WDPCP: variants seen among roughly 807,000 people sequenced by gnomAD.
The protein encoded by WDPCP is WD repeat-containing and planar cell polarity effector protein fritz homolog.
Under a neutral mutation model 93.1 loss-of-function variants are expected in WDPCP, and 71 were observed. That is an observed-to-expected ratio of 0.76 (90% CI 0.63 to 0.93). WDPCP has a LOEUF of 0.93. Ranked by LOEUF, WDPCP falls within the 40% of genes least tolerant of loss-of-function variation. The pLI, the probability that WDPCP is intolerant of heterozygous loss-of-function variation, is 0.00. For synonymous variants in WDPCP, 315 were observed against 315.0 expected (o/e 1.00, Z 0.00); for missense variants, 844 against 887.4 (o/e 0.95, Z 0.62).
chr2:63,278,399 A>T (rs1363243953), intron 13 of WDPCP, among the ~76,000 whole-genome samples: 1 of 152,204 alleles, frequency 6.6e-6, no homozygotes, highest in Non-Finnish European at 1.5e-5. Context: ...AGAAGAAAAG[A>T]AGTACCGAAG....
At chr2:63,831,155 TC>T (rs1671187254), upstream of WDPCP, among the ~76,000 whole-genome samples, 1 of 152,194 alleles carries the variant, frequency 6.6e-6, no homozygotes, top group Non-Finnish European at 1.5e-5. Flanking sequence ...TCCTGTTATT[TC>T]CACTTTCAAA....
rs1692015361 is a variant in WDPCP, at chr2:63,378,254, A to T, written c.1748+132T>A. ...TAACAAATTAAATAAGACCAAAAGAAGATGTATATTTCTTTGAGGAGATGG... is the reference window on the plus strand; with the variant it reads ...TAACAAATTAAATAAGACCAAAAGATGATGTATATTTCTTTGAGGAGATGG... On this transcript the variant is annotated intron_variant, in intron 12 of 17. Coordinates refer to ENST00000272321, the MANE Select transcript of WDPCP (RefSeq NM_015910.7). 8.6e-6 allele frequency: 10 copies of T among 1,167,478 alleles called. No individual in the cohort carries two copies. In the South Asian group the frequency reaches 1.2e-4, roughly 14 times the overall value. 72.3% of individuals were successfully genotyped at this position (1,167,478 alleles called of 1,614,324 possible). A position where few individuals can be genotyped will look rare whatever the true frequency, so the allele number is the denominator to read the frequency against.
rs1709518415 is a variant in WDPCP, at chr2:63,605,940, G to C, written n.488+44719C>G. On this transcript the variant is annotated intron_variant and non_coding_transcript_variant, in intron 3 of 4. Transcript: ENST00000467687. Reference sequence around the variant, plus strand: ...TATGTGAAACATTGTTATTTTCAGGGAGAGTTTGTGTCCATGGGTGTTATC... The same window carrying C: ...TATGTGAAACATTGTTATTTTCAGGCAGAGTTTGTGTCCATGGGTGTTATC... The C allele has an allele frequency of 5.0e-6, 8 of 1,612,886 alleles. No homozygotes were observed. The South Asian group carries it at 7.7e-5, about 15-fold the overall frequency.
At chr2:63,196,483 T>C (rs904755228) in intron 14 of WDPCP, among the ~76,000 whole-genome samples, 5 of 152,194 alleles carry the variant, frequency 3.3e-5, no homozygotes, top group Non-Finnish European at 7.3e-5. Context: ...GACATATCCA[T>C]AGACTATAAT....
intron 2 of WDPCP, among the ~76,000 whole-genome samples, chr2:63,670,446 C>A (rs1447680697): frequency 6.6e-6 from 1 of 152,062 alleles, no homozygotes; most frequent in African/African-American, 2.4e-5. Context: ...GCTACAAGTA[C>A]CAGGACCAAG....
In WDPCP at chr2:63,800,966, A is replaced by T. The variant is rs1261425078; in HGVS notation, n.308+12656T>A. 2.6e-5 allele frequency among the ~76,000 whole-genome samples: 4 copies of T among 152,210 alleles called. No individual in the cohort carries two copies. In the East Asian group the frequency reaches 7.7e-4, roughly 29 times the overall value. ...CTACTCCGGAGGCTGAGGTGGGAGG[A>T]TCACTTGAGTCCGGCAGGTCAAGGA... is the stretch of plus-strand genomic sequence containing the variant. On this transcript the variant is annotated intron_variant and non_coding_transcript_variant, in intron 2 of 4. Coordinates refer to the WDPCP transcript ENST00000467687.
chr2:63,228,986 C>T (rs1343784599), intron 14 of WDPCP: 2 of 151,722 alleles, frequency 1.3e-5, no homozygotes, highest in East Asian at 1.9e-4. Context: ...TTTCTAGTTC[C>T]AGATCCCTGA....
intron 2 of WDPCP, among the ~76,000 whole-genome samples, chr2:63,808,561 C>T (rs968259080): frequency 1.2e-4 from 19 of 152,360 alleles, no homozygotes; most frequent in African/African-American, 4.6e-4. Flanking sequence ...CCGGGCTGGT[C>T]TCCAGCTCCT....
chr2:63,601,921 C>A (rs1312947539), intron 3 of WDPCP, among the ~76,000 whole-genome samples: 3 of 152,174 alleles, frequency 2.0e-5, no homozygotes, highest in Admixed American at 1.3e-4. Context: ...AGAGCAGTTT[C>A]TTCCCCAGTT....
intron 1 of WDPCP, among the ~76,000 whole-genome samples, chr2:63,824,349 A>C (rs1488657624): frequency 6.7e-6 from 1 of 149,536 alleles, no homozygotes; most frequent in Admixed American, 6.8e-5. Context: ...CAGTTCTTAC[A>C]GTAGTATAAA....
chr2:63,173,105 TA>T (rs1025573376), intron 15 of WDPCP, among the ~76,000 whole-genome samples: 1 of 151,464 alleles, frequency 6.6e-6, no homozygotes, highest in Non-Finnish European at 1.5e-5. Flanking sequence ...CTACTAAAAA[TA>T]AAAAATAAAA....
rs952052913 is a variant in WDPCP at position 63,504,367 on chromosome 2, T to A, written c.76-11427A>T. ...GTGTGTGTGTGTGTGTGTGTGTGTG[T>A]GATGTATTTTATTCACATATTCTTA... On this transcript the variant is annotated intron_variant, in intron 1 of 17. Coordinates refer to ENST00000272321, the MANE Select transcript of WDPCP (RefSeq NM_015910.7). 1.8e-4 allele frequency among the ~76,000 whole-genome samples: 26 copies of A among 144,468 alleles called. No homozygotes were observed. In the South Asian group the frequency reaches 5.2e-3, roughly 29 times the overall value. 94.8% of individuals were successfully genotyped at this position (144,468 alleles called of 152,430 possible). A position where few individuals can be genotyped will look rare whatever the true frequency, so the allele number is the denominator to read the frequency against.
At chr2:63,634,874 T>C (rs942446634) in intron 3 of WDPCP, among the ~76,000 whole-genome samples, 7 of 151,156 alleles carry the variant, frequency 4.6e-5, no homozygotes, top group Non-Finnish European at 7.4e-5. Context: ...AGAAAGAAAA[T>C]AAGATCAGAG....
At chr2:63,370,428 C>A (rs2104768735) in intron 12 of WDPCP, among the ~76,000 whole-genome samples, 1 of 152,198 alleles carries the variant, frequency 6.6e-6, no homozygotes, top group South Asian at 2.1e-4. Flanking sequence ...CCTTTAAATC[C>A]AACTACCATA....
chr2:63,327,870 T>C (rs1265839557), intron 12 of WDPCP, among the ~76,000 whole-genome samples: 2 of 152,166 alleles, frequency 1.3e-5, no homozygotes, highest in Non-Finnish European at 2.9e-5. Context: ...TGAGTTCGAC[T>C]AACAACTTCT....
At chr2:63,826,141 A>C (rs1434078166) in intron 1 of WDPCP, among the ~76,000 whole-genome samples, 1 of 152,118 alleles carries the variant, frequency 6.6e-6, no homozygotes, top group African/African-American at 2.4e-5. Context: ...TGTTGAGGAA[A>C]AATAGTCACT....
chr2:63,136,098 G>A (rs965875169), intron 17 of WDPCP, among the ~76,000 whole-genome samples: 1 of 152,140 alleles, frequency 6.6e-6, no homozygotes, highest in Admixed American at 6.6e-5. Flanking sequence ...TATTAAAGAT[G>A]TAGCCATTGT....
chr2:63,299,971 G>A, intron 13 of WDPCP, among the ~76,000 whole-genome samples: 1 of 152,200 alleles, frequency 6.6e-6, no homozygotes, highest in African/African-American at 2.4e-5. Context: ...AGCCACGTGT[G>A]CTGTAAGGAG....
intron 1 of WDPCP, among the ~76,000 whole-genome samples, chr2:63,505,715 A>G (rs1201470717): frequency 6.6e-6 from 1 of 152,030 alleles, no homozygotes; most frequent in African/African-American, 2.4e-5. Flanking sequence ...AAAAATACCT[A>G]CCTGAAAAAA....
Sources: allele counts gnomAD v4.1 joint callset (sites outside exome capture counted in the v4.1 genomes callset), GRCh38; gene constraint gnomAD v4.1.1; transcripts MANE v1.5; gene names NCBI Gene and HGNC (gene_info 2026-07-23, HGNC 2026-07-21).